Variants in SORCS1 observed in about 807,000 individuals in gnomAD.
SORCS1 encodes the protein VPS10 domain-containing receptor SorCS1.
Under a neutral mutation model 146.1 loss-of-function variants are expected in SORCS1, and 60 were observed. That is an observed-to-expected ratio of 0.41 (90% CI 0.33 to 0.51). SORCS1 has a LOEUF of 0.51. Ranked by LOEUF, SORCS1 falls within the 20% of genes least tolerant of loss-of-function variation. The probability of loss-of-function intolerance (pLI) is 0.21; values close to 1 mark genes in which losing one functional copy is unlikely to be tolerated. For synonymous variants in SORCS1, 637 were observed against 584.0 expected, an observed-to-expected ratio of 1.09 and a Z score of -1.31; for missense variants, 1,352 against 1,487.6, an observed-to-expected ratio of 0.91 and a Z score of 1.50.
chr10:106,721,686 GTTT>G (rs1415863080), intron 6 of SORCS1, among the ~76,000 whole-genome samples: 2 of 152,278 alleles, frequency 1.3e-5, no homozygotes, highest in East Asian at 3.9e-4. Context: ...ATCTGACAAT[GTTT>G]ACAAAAATTT....
chr10:107,008,051 A>T (rs1957530566), intron 1 of SORCS1, among the ~76,000 whole-genome samples: 1 of 146,052 alleles, frequency 6.8e-6, no homozygotes, highest in South Asian at 2.1e-4. Context: ...TTAGAAATGG[A>T]GTATTAGTTT....
chr10:106,860,273 A>G (rs1440511536), intron 2 of SORCS1, among the ~76,000 whole-genome samples: 1 of 152,212 alleles, frequency 6.6e-6, no homozygotes. Flanking sequence ...GAGGAGAGCA[A>G]CTTATCTTTT....
In SORCS1 at chr10:106,611,941, G is replaced by A. The variant is rs368139602; in HGVS notation, c.3003C>T (p.Ile1001=). 3.1e-5 allele frequency: 50 copies of A among 1,614,054 alleles called. No individual in the cohort carries two copies. Among genetic ancestry groups the A allele is most frequent in the African/African-American group, 1.6e-4 (12 of 75,034 alleles). The change falls in exon 22 of 26, where the codon ATC becomes ATT. Residue 1001 remains isoleucine (I), a synonymous_variant. Transcript: ENST00000263054. ...NPDIPEWRRD[I]GRVIKKSLVE... ...CCAGGGATTTTTTGATGACTCGACC[G>A]ATGTCCCTCCTCCACTCAGGGATGT...
At chr10:106,658,411 A>T (rs918801962) in intron 17 of SORCS1, among the ~76,000 whole-genome samples, 3 of 152,026 alleles carry the variant, frequency 2.0e-5, no homozygotes, top group African/African-American at 7.2e-5. Context: ...GTGAAACTGG[A>T]ACTCTAGGTC....
At chr10:106,788,841 A>T (rs1308483420) in intron 3 of SORCS1, among the ~76,000 whole-genome samples, 2 of 152,154 alleles carry the variant, frequency 1.3e-5, no homozygotes, top group East Asian at 3.9e-4. Flanking sequence ...TTACAGCACC[A>T]ATAGGCAGTG....
chr10:106,609,359 G>A (rs949740604), intron 22 of SORCS1, among the ~76,000 whole-genome samples: 1 of 152,222 alleles, frequency 6.6e-6, no homozygotes, highest in African/African-American at 2.4e-5. Context: ...AATGTCAATA[G>A]CAAAAGCCAT....
intron 3 of SORCS1, among the ~76,000 whole-genome samples, chr10:106,796,248 T>C (rs561566932): frequency 6.6e-6 from 1 of 152,288 alleles, no homozygotes; most frequent in African/African-American, 2.4e-5. Context: ...ATGTTGACAG[T>C]TCAGATTTTC....
rs763094697 is a variant in SORCS1, at chr10:106,577,258, T to G, written c.*162A>C. 6.2e-7 allele frequency: 1 copy of G among 1,602,310 alleles called. No homozygotes were observed. The highest frequency in any genetic ancestry group is 1.1e-5 in the South Asian group (1 of 90,092). ...ATAGGTAGGGATTTCTTTTGTGCTT[T>G]GATTCTCAGCAACTATGGAAATACT... On this transcript the variant is annotated 3_prime_UTR_variant, in exon 26 of 26. Coordinates refer to ENST00000263054, the MANE Select transcript of SORCS1 (RefSeq NM_052918.5).
At chr10:106,595,105 T>G (rs1845830467) in intron 24 of SORCS1, among the ~76,000 whole-genome samples, 1 of 152,090 alleles carries the variant, frequency 6.6e-6, no homozygotes, top group Non-Finnish European at 1.5e-5. Context: ...AGCTCAACAT[T>G]TTGGGTAGGA....
At chr10:106,976,465 G>A (rs1308228549) in intron 1 of SORCS1, among the ~76,000 whole-genome samples, 1 of 151,420 alleles carries the variant, frequency 6.6e-6, no homozygotes, top group African/African-American at 2.4e-5. Context: ...CCGAGTAGCT[G>A]GGACTACAGA....
At chr10:106,683,881 C>G (rs1215012235) in intron 10 of SORCS1, among the ~76,000 whole-genome samples, 1 of 152,200 alleles carries the variant, frequency 6.6e-6, no homozygotes, top group Non-Finnish European at 1.5e-5. Context: ...AAGGAGGCCC[C>G]TGGAACAACT....
intron 1 of SORCS1, among the ~76,000 whole-genome samples, chr10:106,965,259 A>AT (rs1362012800): frequency 1.3e-5 from 2 of 151,782 alleles, no homozygotes; most frequent in African/African-American, 4.8e-5. Flanking sequence ...TTTTTGTTGT[A>AT]TTTTTTTCTA....
At chr10:107,015,543 T>C (rs1384164635) in intron 1 of SORCS1, among the ~76,000 whole-genome samples, 2 of 152,126 alleles carry the variant, frequency 1.3e-5, no homozygotes, top group African/African-American at 4.8e-5. Flanking sequence ...AGAGTGACAG[T>C]TCTGGAATCA....
chr10:107,076,084 T>C (rs960594755), intron 1 of SORCS1, among the ~76,000 whole-genome samples: 20 of 152,142 alleles, frequency 1.3e-4, no homozygotes, highest in East Asian at 1.9e-4. Flanking sequence ...TTTGACAAAA[T>C]TGCCAATTAT....
chr10:106,879,921 T>G (rs1228430093), intron 2 of SORCS1, among the ~76,000 whole-genome samples: 1 of 152,234 alleles, frequency 6.6e-6, no homozygotes, highest in Non-Finnish European at 1.5e-5. Context: ...GTGAGCAAGC[T>G]GAGCTCATCT....
chr10:107,016,098 A>G (rs1957885913), intron 1 of SORCS1, among the ~76,000 whole-genome samples: 2 of 152,234 alleles, frequency 1.3e-5, no homozygotes, highest in African/African-American at 4.8e-5. Context: ...GAGCTACACT[A>G]CCAGATATGA....
At chr10:107,066,736 T>C (rs1961900194) in intron 1 of SORCS1, among the ~76,000 whole-genome samples, 4 of 152,156 alleles carry the variant, frequency 2.6e-5, no homozygotes, top group African/African-American at 4.8e-5. Flanking sequence ...CTGAGTTCTC[T>C]AAAAAAAGAT....
chr10:106,769,311 C>T lies in SORCS1; in HGVS notation c.885+7223G>A, dbSNP rs192372441. ...CCAGCCTGGCCAACACAGTGAAGCC[C>T]CGTCTCTACTAAAAAATACAAAAAT... On this transcript the variant is annotated intron_variant, in intron 4 of 25. Transcript: ENST00000263054. Among the ~76,000 whole-genome samples, 354 of 151,910 alleles carry T rather than the reference C, an allele frequency of 2.3e-3. 4 individuals are homozygous for T. Among genetic ancestry groups the T allele is most frequent in the African/African-American group, 8.2e-3 (338 of 41,432 alleles).
intron 5 of SORCS1, among the ~76,000 whole-genome samples, chr10:106,759,814 G>C (rs1197031577): frequency 6.6e-6 from 1 of 151,870 alleles, no homozygotes; most frequent in Admixed American, 6.6e-5. Flanking sequence ...TATAGTTTAT[G>C]TTTTGCATTA....
Sources: gnomAD v4.1 joint callset for allele counts (sites outside exome capture counted in the v4.1 genomes callset) on GRCh38, gnomAD v4.1.1 for gene constraint, MANE v1.5 for transcripts, NCBI Gene and HGNC (gene_info 2026-07-23, HGNC 2026-07-21) for gene names.